DEGS2: variants seen among roughly 807,000 people sequenced by gnomAD.
DEGS2 encodes the protein sphingolipid delta(4)-desaturase/C4-monooxygenase DES2.
In DEGS2, 19 loss-of-function variants were observed where a neutral mutation model predicts 23.8. The ratio of observed to expected loss-of-function variants is 0.80; its 90% CI spans 0.56 to 1.17. The LOEUF is 1.17. DEGS2 is among the 50% of genes most tolerant of loss of function. DEGS2 has a pLI of 0.00. For synonymous variants in DEGS2, 218 were observed against 213.7 expected (o/e 1.02, Z -0.18); for missense variants, 390 against 459.5 (o/e 0.85, Z 1.38).
At chr14:100,149,754 T>C (rs1164642530) in intron 1 of DEGS2, 44 bp from the exon 2 acceptor site, 6 of 1,535,688 alleles carry the variant, frequency 3.9e-6, no homozygotes, top group Non-Finnish European at 5.3e-6. Context: ...TCGGTGGGGC[T>C]GCACCCCGCC....
chr14:100,164,099 C>T (rs894074948), upstream of DEGS2, among the ~76,000 whole-genome samples: 1 of 151,932 alleles, frequency 6.6e-6, no homozygotes, highest in Non-Finnish European at 1.5e-5. Flanking sequence ...GCCTGTGGTC[C>T]CAGGCGCGAT....
intron 2 of DEGS2, among the ~76,000 whole-genome samples, chr14:100,148,493 G>A (rs989751633): frequency 6.6e-6 from 1 of 152,196 alleles, no homozygotes; most frequent in African/African-American, 2.4e-5. Context: ...CTAAGGCAAA[G>A]ATGCCCATAC....
upstream of DEGS2, among the ~76,000 whole-genome samples, chr14:100,161,671 C>T (rs1889747942): frequency 2.0e-5 from 3 of 152,306 alleles, no homozygotes; most frequent in Admixed American, 2.0e-4. Flanking sequence ...GCAACAAATG[C>T]ACCATATTAT....
Position 100,149,129 on chromosome 14 carries a change from G to A in DEGS2, c.664C>T (p.Leu222=), listed in dbSNP as rs1205648210. 3.1e-6 allele frequency: 5 copies of A among 1,613,000 alleles called. No individual in the cohort carries two copies. The East Asian group carries it at 8.9e-5, about 29-fold the overall frequency. ...LLASSFLGLG[L]HPISGHFVAE... ...ACGAAGTGGCCCGAGATGGGGTGCA[G>A]GCCCAGGCCCAGGAAGGAGCTGGCC... Residue 222 remains leucine (L), a synonymous_variant, in exon 2 of 3, where the codon CTG becomes TTG. Coordinates refer to ENST00000305631, the MANE Select transcript of DEGS2 (RefSeq NM_206918.3).
At chr14:100,149,969 C>T (rs1216375290) in intron 1 of DEGS2, among the ~76,000 whole-genome samples, 5 of 152,226 alleles carry the variant, frequency 3.3e-5, no homozygotes, top group Non-Finnish European at 7.3e-5. Context: ...GGCCCTGCTG[C>T]TCCCCGAGCC....
chr14:100,151,985 G>C (rs1040499841), intron 1 of DEGS2, among the ~76,000 whole-genome samples: 3 of 152,138 alleles, frequency 2.0e-5, no homozygotes, highest in Non-Finnish European at 4.4e-5. Flanking sequence ...GGAGAGGGTC[G>C]TGGCTGAGGT....
chr14:100,159,669 T>C, upstream of DEGS2: 2 of 598,418 alleles, frequency 3.3e-6, no homozygotes, highest in Non-Finnish European at 4.8e-6. Context: ...CGGAACCAGC[T>C]CTGATTAGGG....
chr14:100,153,234 C>T (rs772595719), intron 1 of DEGS2, among the ~76,000 whole-genome samples: 4 of 150,320 alleles, frequency 2.7e-5, no homozygotes, highest in East Asian at 2.0e-4. Context: ...CCAGCCTGGG[C>T]GACAGTAATG....
At position 100,146,503 on chromosome 14, in the gene DEGS2, G is replaced by A; in HGVS notation, c.*258C>T. 3 of 488,654 alleles carry A rather than the reference G, an allele frequency of 6.1e-6. No homozygotes were observed. Among genetic ancestry groups the A allele is most frequent in the South Asian group, 5.4e-5 (2 of 37,344 alleles). 30.3% of individuals were successfully genotyped at this position (488,654 alleles called of 1,614,324 possible). On this transcript the variant is annotated 3_prime_UTR_variant, in exon 3 of 3. Coordinates refer to ENST00000305631, the MANE Select transcript of DEGS2 (RefSeq NM_206918.3). ...GGGAACCGTGGGCTCAGAGCACCCAGGTCATGGTGGGGCAGGGCCAGGCCT... is the reference window on the plus strand; with the variant it reads ...GGGAACCGTGGGCTCAGAGCACCCAAGTCATGGTGGGGCAGGGCCAGGCCT...
At chr14:100,154,345 C>T (rs1272719328) in intron 1 of DEGS2, among the ~76,000 whole-genome samples, 2 of 110,890 alleles carry the variant, frequency 1.8e-5, no homozygotes, top group Admixed American at 2.1e-4. Flanking sequence ...AGCCTGGCAA[C>T]AAAGCGTCTC....
chr14:100,152,598 T>C (rs372161245), intron 1 of DEGS2, among the ~76,000 whole-genome samples: 1 of 152,168 alleles, frequency 6.6e-6, no homozygotes, highest in East Asian at 1.9e-4. Context: ...TTCCCTCTCT[T>C]GGAGCTGCAA....
intron 1 of DEGS2, among the ~76,000 whole-genome samples, chr14:100,153,289 AG>A (rs201553053): frequency 1.5e-5 from 2 of 130,502 alleles, no homozygotes; most frequent in African/African-American, 2.7e-5. Flanking sequence ...ATAGATAGAT[AG>A]ATAGATAGAT....
intron 2 of DEGS2, 150 bp downstream of exon 2, chr14:100,148,818 G>C: frequency 1.1e-6 from 1 of 928,414 alleles, no homozygotes; most frequent in Non-Finnish European, 1.6e-6. Context: ...CTTTCCTCCT[G>C]CCCTGGGGAC....
chr14:100,146,562 T>A lies in DEGS2; in HGVS notation c.*199A>T. 1 of 704,570 alleles carries A rather than the reference T, an allele frequency of 1.4e-6. No individual in the cohort carries two copies. The highest frequency in any genetic ancestry group is 2.3e-6 in the Non-Finnish European group (1 of 444,206). The allele number at this position is 704,570 out of a possible 1,614,324, so 43.6% of individuals were successfully genotyped here. A position where few individuals can be genotyped will look rare whatever the true frequency, so the allele number is the denominator to read the frequency against. On this transcript the variant is annotated 3_prime_UTR_variant, in exon 3 of 3. Coordinates refer to ENST00000305631, the MANE Select transcript of DEGS2 (RefSeq NM_206918.3). ...GAGGCCCAGAAAGGGAGGGCCACACTCAAGGTCCAGGGCAAGTCCACGTGC... is the reference window on the plus strand; with the variant it reads ...GAGGCCCAGAAAGGGAGGGCCACACACAAGGTCCAGGGCAAGTCCACGTGC...
chr14:100,156,244 C>T (rs559248573), intron 1 of DEGS2, among the ~76,000 whole-genome samples: 4 of 152,370 alleles, frequency 2.6e-5, no homozygotes, highest in South Asian at 2.1e-4. Context: ...GTGTGTTCCC[C>T]GGCAAGTTGC....
intron 1 of DEGS2, among the ~76,000 whole-genome samples, chr14:100,153,735 G>A (rs148352631): frequency 5.9e-5 from 9 of 152,342 alleles, no homozygotes; most frequent in Non-Finnish European, 1.2e-4. Flanking sequence ...CACAGAGCCC[G>A]ACGTGCACAG....
chr14:100,147,021 G>A (rs910160171), intron 2 of DEGS2, 114 bp from the exon 3 acceptor site: 7 of 1,282,112 alleles, frequency 5.5e-6, no homozygotes, highest in African/African-American at 1.5e-5. Flanking sequence ...ATTCATGTAC[G>A]AACATGTTTG....
Position 100,146,741 on chromosome 14 carries a change from C to T in DEGS2, c.*20G>A. 6.2e-7 allele frequency: 1 copy of T among 1,611,072 alleles called. No homozygotes were observed. The highest frequency in any genetic ancestry group is 8.5e-7 in the Non-Finnish European group (1 of 1,178,580). ...GGGGCCGATGGGGGACAATGGCCACCACCAGGAGGCAGCCCGGGCTCACAG... is the reference window on the plus strand; with the variant it reads ...GGGGCCGATGGGGGACAATGGCCACTACCAGGAGGCAGCCCGGGCTCACAG... On this transcript the variant is annotated 3_prime_UTR_variant, in exon 3 of 3. Coordinates refer to ENST00000305631, the MANE Select transcript of DEGS2 (RefSeq NM_206918.3).
chr14:100,166,227 CATCCAGGAGAGTGG>C, the DEGS2 span, among the ~76,000 whole-genome samples: 9 of 25,290 alleles, frequency 3.6e-4, 1 homozygote, highest in South Asian at 1.4e-3. Context: ...GGGGGAAGCC[CATCCAGGAGAGTGG>C]GGGGAGCCTG....
Sources: gnomAD v4.1 joint callset for allele counts (sites outside exome capture counted in the v4.1 genomes callset) on GRCh38, gnomAD v4.1.1 for gene constraint, MANE v1.5 for transcripts, NCBI Gene and HGNC (gene_info 2026-07-23, HGNC 2026-07-21) for gene names.